MIS18A: variants seen among roughly 807,000 people sequenced by gnomAD.
The protein encoded by MIS18A is MIS18 kinetochore protein A, also known as protein Mis18-alpha.
MIS18A carries 14 observed loss-of-function variants against 25.0 expected under a neutral mutation model. The ratio of observed to expected loss-of-function variants is 0.56; its 90% CI spans 0.37 to 0.88. The LOEUF is 0.88. Ranked by LOEUF, MIS18A falls within the 40% of genes least tolerant of loss-of-function variation. The pLI is 0.00. For missense variants in MIS18A, 292 were observed against 290.8 expected (o/e 1.00, Z -0.03); for synonymous variants, 134 against 118.6 (o/e 1.13, Z -0.84).
the MIS18A span, among the ~76,000 whole-genome samples, chr21:32,258,921 C>T: frequency 2.0e-5 from 3 of 151,686 alleles, no homozygotes; most frequent in Admixed American, 6.6e-5. Flanking sequence ...TTGCCCAGGA[C>T]GGAGTGCAGT....
At chr21:32,203,068 A>C in the MIS18A span, among the ~76,000 whole-genome samples, 3 of 152,270 alleles carry the variant, frequency 2.0e-5, no homozygotes, top group East Asian at 5.8e-4. Context: ...TTTTCTTAAA[A>C]ATTTGTAATG....
chr21:32,240,725 C>G, the MIS18A span, among the ~76,000 whole-genome samples: 1 of 152,216 alleles, frequency 6.6e-6, no homozygotes, highest in Non-Finnish European at 1.5e-5. Flanking sequence ...ACACAAACAT[C>G]TGTGTCTGCA....
intron 3 of MIS18A, 111 bp from the exon 4 acceptor site, chr21:32,269,914 C>T (rs925595660): frequency 2.0e-5 from 14 of 691,728 alleles, no homozygotes; most frequent in Non-Finnish European, 3.5e-5. Context: ...GAGTTTGAAA[C>T]CAGCCTGGGC....
the MIS18A span, among the ~76,000 whole-genome samples, chr21:32,191,268 G>A: frequency 5.3e-5 from 8 of 152,266 alleles, no homozygotes; most frequent in South Asian, 2.1e-4. Flanking sequence ...CCCAAAGCCC[G>A]AAATCCACCT....
chr21:32,274,679 CAAA>C (rs1187461876), intron 2 of MIS18A, 148 bp downstream of exon 2: 1 of 619,974 alleles, frequency 1.6e-6, no homozygotes, highest in Non-Finnish European at 2.8e-6. Flanking sequence ...ATAGAAAAAG[CAAA>C]AAAAAGAACT....
the MIS18A span, among the ~76,000 whole-genome samples, chr21:32,166,486 G>A: frequency 1.3e-5 from 2 of 152,248 alleles, no homozygotes; most frequent in East Asian, 1.9e-4. Flanking sequence ...AAGAAAGGAA[G>A]TGCTCAAAAA....
the MIS18A span, among the ~76,000 whole-genome samples, chr21:32,200,727 C>T: frequency 1.3e-5 from 2 of 152,236 alleles, no homozygotes; most frequent in African/African-American, 4.8e-5. Flanking sequence ...CGTGAGCCAC[C>T]GTGCCCCGCC....
chr21:32,187,542 A>T, the MIS18A span, among the ~76,000 whole-genome samples: 2 of 152,132 alleles, frequency 1.3e-5, no homozygotes, highest in Non-Finnish European at 2.9e-5. Flanking sequence ...TTCTGCCTCA[A>T]TGGATCTGAC....
At chr21:32,264,125 G>A (rs140585531), downstream of MIS18A, among the ~76,000 whole-genome samples, 1 of 152,028 alleles carries the variant, frequency 6.6e-6, no homozygotes, top group East Asian at 1.9e-4. Context: ...TAAAACTCAG[G>A]TTATAAAATA....
the MIS18A span, among the ~76,000 whole-genome samples, chr21:32,162,231 C>G: frequency 1.3e-5 from 2 of 152,146 alleles, no homozygotes; most frequent in African/African-American, 4.8e-5. Flanking sequence ...CGCCTCAAAA[C>G]TCTCCAAAGC....
chr21:32,263,185 G>A, the MIS18A span, among the ~76,000 whole-genome samples: 1 of 152,176 alleles, frequency 6.6e-6, no homozygotes, highest in South Asian at 2.1e-4. Context: ...ATCCTATCTG[G>A]GGAGAGCAAA....
the MIS18A span, among the ~76,000 whole-genome samples, chr21:32,184,219 C>T: frequency 1.3e-5 from 2 of 152,206 alleles, no homozygotes; most frequent in African/African-American, 4.8e-5. Context: ...TTACTGCCCT[C>T]CAGACGCGAC....
chr21:32,194,203 C>A, the MIS18A span, among the ~76,000 whole-genome samples: 1 of 152,180 alleles, frequency 6.6e-6, no homozygotes, highest in Admixed American at 6.5e-5. Flanking sequence ...GGGAAAACAA[C>A]CATTGTCTTC....
the MIS18A span, among the ~76,000 whole-genome samples, chr21:32,234,738 G>T: frequency 6.6e-6 from 1 of 152,126 alleles, no homozygotes; most frequent in Non-Finnish European, 1.5e-5. Flanking sequence ...TGCAGGCTCT[G>T]CCGTGATTGG....
Position 32,269,789 on chromosome 21 carries a change from G to A in MIS18A, c.539C>T (p.Ser180Phe). The A allele has an allele frequency of 6.2e-7, 1 of 1,605,694 alleles. No individual in the cohort carries two copies. Among genetic ancestry groups the A allele is most frequent in the Non-Finnish European group, 8.5e-7 (1 of 1,172,344 alleles). Residue 180 changes from serine (S) to phenylalanine (F), a missense_variant, in exon 4 of 5, where the codon TCC becomes TTC. Physicochemically the swap from Ser to Phe is radical, Grantham distance 155. Coordinates refer to ENST00000290130, the MANE Select transcript of MIS18A (RefSeq NM_018944.3). ...VEAIESYVLG[S>F]SEKQIVSEDK... ...TTCTGACACAATTTGCTTTTCAGAG[G>A]ACCCTAAAACATAACTGAAGTACGG... is the stretch of plus-strand genomic sequence containing the variant.
Position 32,278,846 on chromosome 21 carries a change from C to T in MIS18A, c.169G>A (p.Glu57Lys). The T allele has an allele frequency of 6.2e-7, 1 of 1,610,792 alleles. No homozygotes were observed. The highest frequency in any genetic ancestry group is 1.1e-5 in the South Asian group (1 of 90,816). The change falls in exon 1 of 5, where the codon GAA (glutamate) becomes AAA (lysine). Residue 57 changes from glutamate (E) to lysine (K), a missense_variant. Physicochemically the swap from Glu to Lys is moderately conservative, Grantham distance 56. Transcript: ENST00000290130. ...TCCATGTCGGCCACCGACGCGTCTT[C>T]GCTCATGGAGCTCCACATGCTCGCC... ...KWASMWSSMS[E>K]DASVADMERA...
chr21:32,269,217 A>G (rs2031668691), intron 4 of MIS18A, 100 bp from the exon 5 acceptor site: 1 of 875,174 alleles, frequency 1.1e-6, no homozygotes, highest in Non-Finnish European at 1.7e-6. Context: ...GCAATTTTGG[A>G]TATGTCATAC....
At position 32,270,495 on chromosome 21, in the gene MIS18A, G is replaced by C. The variant is rs1399162599; in HGVS notation, c.436C>G (p.Leu146Val). The change falls in exon 3 of 5, where the codon CTC becomes GTC. Residue 146 changes from leucine (L) to valine (V), a missense_variant. Leu to Val is a conservative substitution (Grantham distance 32, BLOSUM62 1). Transcript: ENST00000290130. ...LETLCCAGCS[L>V]NLGYVYRCTP... ...CATCTGTACACGTAGCCAAGATTGAGTGAGCACCCCGCGCAGCACAAAGTC... is the reference window on the plus strand; with the variant it reads ...CATCTGTACACGTAGCCAAGATTGACTGAGCACCCCGCGCAGCACAAAGTC... 2.5e-6 allele frequency: 4 copies of C among 1,607,014 alleles called. No individual in the cohort carries two copies. The highest frequency in any genetic ancestry group is 1.7e-5 in the Admixed American group (1 of 58,396).
In MIS18A at chr21:32,278,757, G is replaced by A. The variant is rs1183669498; in HGVS notation, c.258C>T (p.Ser86=). ...AEERPLVFLC[S]GCRRPLGDSL... The stretch of plus-strand genomic sequence containing the variant: ...AGTCGCCCAGCGGCCGCCGGCAGCC[G>A]GAGCACAGGAACACCAGCGGCCTCT... The change falls in exon 1 of 5, where the codon TCC becomes TCT. Residue 86 remains serine (S), a synonymous_variant. Transcript: ENST00000290130. 3.2e-6 allele frequency: 5 copies of A among 1,577,844 alleles called. No homozygotes were observed. The Admixed American group carries it at 7.2e-5, about 23-fold the overall frequency.
Sources: allele counts gnomAD v4.1 joint callset (sites outside exome capture counted in the v4.1 genomes callset), GRCh38; gene constraint gnomAD v4.1.1; transcripts MANE v1.5; gene names NCBI Gene and HGNC (gene_info 2026-07-23, HGNC 2026-07-21).